Variants in OR1J2 observed in about 807,000 individuals in gnomAD.
The protein encoded by OR1J2 is olfactory receptor 1J2.
For synonymous variants in OR1J2, 142 were observed against 99.7 expected (o/e 1.42, Z -2.52); for missense variants, 304 against 246.1 (o/e 1.24, Z -1.57).
At chr9:122,485,894 A>T in the OR1J2 span, among the ~76,000 whole-genome samples, 3 of 152,156 alleles carry the variant, frequency 2.0e-5, no homozygotes, top group Non-Finnish European at 4.4e-5. Flanking sequence ...AATTGTTAAG[A>T]AATCTGATGT....
At chr9:122,550,571 T>G in the OR1J2 span, among the ~76,000 whole-genome samples, 1 of 150,778 alleles carries the variant, frequency 6.6e-6, no homozygotes, top group Non-Finnish European at 1.5e-5. Flanking sequence ...GTTTTTTTTT[T>G]GAGGAATACA....
At chr9:122,458,751 C>T in the OR1J2 span, among the ~76,000 whole-genome samples, 1 of 152,152 alleles carries the variant, frequency 6.6e-6, no homozygotes, top group Non-Finnish European at 1.5e-5. Context: ...GGGTACACAG[C>T]CAAACCATAT....
At chr9:122,575,457 T>C in the OR1J2 span, among the ~76,000 whole-genome samples, 1 of 152,138 alleles carries the variant, frequency 6.6e-6, no homozygotes, top group Non-Finnish European at 1.5e-5. Context: ...ATTTGTCCAT[T>C]CATTTAGGTT....
At chr9:122,546,980 T>C in the OR1J2 span, among the ~76,000 whole-genome samples, 1 of 152,142 alleles carries the variant, frequency 6.6e-6, no homozygotes, top group African/African-American at 2.4e-5. Flanking sequence ...TTCTAGCTAC[T>C]TGAAACTATG....
chr9:122,456,233 A>G, the OR1J2 span, among the ~76,000 whole-genome samples: 1 of 152,220 alleles, frequency 6.6e-6, no homozygotes, highest in Admixed American at 6.5e-5. Flanking sequence ...GCTCTTGCAT[A>G]TAACAAAGCT....
the OR1J2 span, among the ~76,000 whole-genome samples, chr9:122,576,484 C>CT: frequency 6.6e-6 from 1 of 152,034 alleles, no homozygotes; most frequent in Admixed American, 6.5e-5. Flanking sequence ...ATCTGCCCGC[C>CT]TTGGCCTCCC....
the OR1J2 span, among the ~76,000 whole-genome samples, chr9:122,478,897 AT>A: frequency 1.5e-3 from 233 of 151,898 alleles, 1 homozygote; most frequent in African/African-American, 5.0e-3. Flanking sequence ...CTTCCAGCTA[AT>A]TTTTTATTTT....
At chr9:122,482,060 A>G in the OR1J2 span, among the ~76,000 whole-genome samples, 1 of 151,298 alleles carries the variant, frequency 6.6e-6, no homozygotes, top group East Asian at 1.9e-4. Context: ...GAAACAACCA[A>G]CTGAGTGAAA....
the OR1J2 span, chr9:122,553,086 ATTT>A: frequency 1.3e-5 from 12 of 897,100 alleles, no homozygotes; most frequent in South Asian, 2.1e-4. Context: ...AAGACCATTT[ATTT>A]TTCTTTTCTT....
chr9:122,477,513 C>T, the OR1J2 span: 1 of 1,614,102 alleles, frequency 6.2e-7, no homozygotes. Flanking sequence ...CACACTGGCT[C>T]TGAGTCATGA....
the OR1J2 span, among the ~76,000 whole-genome samples, chr9:122,456,593 C>T: frequency 6.6e-6 from 1 of 152,128 alleles, no homozygotes; most frequent in East Asian, 1.9e-4. Context: ...AGAATACAGT[C>T]TTTATAAAAG....
chr9:122,540,795 A>G, the OR1J2 span, among the ~76,000 whole-genome samples: 1 of 152,094 alleles, frequency 6.6e-6, no homozygotes, highest in Non-Finnish European at 1.5e-5. Context: ...ATTTCCTTGA[A>G]CAGTGGTTTG....
chr9:122,554,144 A>G, the OR1J2 span: 2 of 1,611,440 alleles, frequency 1.2e-6, no homozygotes, highest in East Asian at 4.5e-5. Context: ...TTGTCAGTGG[A>G]AAAACATTCT....
At chr9:122,519,750 C>A in the OR1J2 span, 1 of 1,614,160 alleles carries the variant, frequency 6.2e-7, no homozygotes, top group Non-Finnish European at 8.5e-7. Flanking sequence ...CACAGTGGGA[C>A]AGGCAGTCAT....
chr9:122,476,088 T>C, the OR1J2 span, among the ~76,000 whole-genome samples: 1 of 152,218 alleles, frequency 6.6e-6, no homozygotes, highest in Non-Finnish European at 1.5e-5. Flanking sequence ...TATATTAAGT[T>C]CTTAGATCAG....
the OR1J2 span, among the ~76,000 whole-genome samples, chr9:122,487,460 C>A: frequency 1.8e-5 from 1 of 54,940 alleles, no homozygotes; most frequent in Middle Eastern, 8.2e-3. Context: ...AGATGATTAA[C>A]ACACACACAC....
chr9:122,458,842 T>C, the OR1J2 span, among the ~76,000 whole-genome samples: 3 of 152,188 alleles, frequency 2.0e-5, no homozygotes, highest in Non-Finnish European at 4.4e-5. Flanking sequence ...ACTGCTTTTT[T>C]TTTTCTTTTC....
the OR1J2 span, among the ~76,000 whole-genome samples, chr9:122,493,671 G>A: frequency 1.3e-5 from 2 of 151,918 alleles, no homozygotes; most frequent in African/African-American, 2.4e-5. Context: ...TTTATCTTTT[G>A]TATTGTTTTT....
chr9:122,509,405 G>A (rs1828590337), upstream of OR1J2, among the ~76,000 whole-genome samples: 1 of 152,202 alleles, frequency 6.6e-6, no homozygotes, highest in Non-Finnish European at 1.5e-5. Flanking sequence ...GGAGGAAAGG[G>A]AGACTGGATT....
Sources: allele counts gnomAD v4.1 joint callset (sites outside exome capture counted in the v4.1 genomes callset), GRCh38; gene constraint gnomAD v4.1.1; transcripts MANE v1.5; gene names NCBI Gene and HGNC (gene_info 2026-07-23, HGNC 2026-07-21).